CA8: variants seen among roughly 807,000 people sequenced by gnomAD.
CA8 encodes carbonic anhydrase-related protein.
In CA8, 22 loss-of-function variants were observed where a neutral mutation model predicts 41.4. That is an observed-to-expected ratio of 0.53 (90% CI 0.38 to 0.76). The LOEUF (loss-of-function observed/expected upper bound fraction) is 0.76. Among genes scored for constraint, CA8 ranks in the 30% least tolerant of loss-of-function variants. The probability of loss-of-function intolerance (pLI) is 0.00; values close to 1 mark genes in which losing one functional copy is unlikely to be tolerated. For missense variants in CA8, 270 were observed against 352.8 expected, an observed-to-expected ratio of 0.77 and a Z score of 1.88; for synonymous variants, 121 against 130.6, an observed-to-expected ratio of 0.93 and a Z score of 0.50.
In CA8 at chr8:60,264,060, G is replaced by A. The variant is rs374563102; in HGVS notation, c.417+1865C>T. Among the ~76,000 whole-genome samples, 23 of 152,316 alleles carry A rather than the reference G, an allele frequency of 1.5e-4. No homozygotes were observed. In the South Asian group the frequency reaches 4.6e-3, roughly 30 times the overall value. On this transcript the variant is annotated intron_variant, in intron 3 of 8. Coordinates refer to ENST00000317995, the MANE Select transcript of CA8 (RefSeq NM_004056.6). ...CTGCAGAAACAAAGCCTCACTACCA[G>A]GATTTAATCTTCATTCAAAACAAAC...
intron 8 of CA8, among the ~76,000 whole-genome samples, chr8:60,190,957 T>TATATATATATATATATATACACACACAC (rs1554573722): frequency 1.5e-4 from 16 of 104,188 alleles, no homozygotes; most frequent in African/African-American, 3.8e-4. Context: ...TATATATATA[T>TATATATATATATATATATACACACACAC]ACACACACAC....
At chr8:60,240,820 C>T (rs569881166) in intron 3 of CA8, among the ~76,000 whole-genome samples, 1 of 152,138 alleles carries the variant, frequency 6.6e-6, no homozygotes, top group East Asian at 1.9e-4. Flanking sequence ...GGCTCTGCCA[C>T]ACTCAAAACA....
chr8:60,243,581 C>A lies in CA8; in HGVS notation c.418-11202G>T, dbSNP rs113059713. ...TACTGAAATCTGTCTCTTGTCCCAT[C>A]AGTTTAGTGAAACTGCTCACCGTCT... On this transcript the variant is annotated intron_variant, in intron 3 of 8. Coordinates refer to ENST00000317995, the MANE Select transcript of CA8 (RefSeq NM_004056.6). Among the ~76,000 whole-genome samples, 1,343 of 152,228 alleles carry A rather than the reference C, an allele frequency of 8.8e-3. 18 individuals are homozygous for A. The highest frequency in any genetic ancestry group is 0.03 in the African/African-American group (1,230 of 41,516).
intron 7 of CA8, among the ~76,000 whole-genome samples, chr8:60,209,496 G>A (rs1416174235): frequency 1.3e-5 from 2 of 152,078 alleles, no homozygotes; most frequent in Non-Finnish European, 2.9e-5. Flanking sequence ...AAAAAACAAT[G>A]ATACAAACCT....
intron 1 of CA8, 30 bp downstream of exon 1, chr8:60,281,017 AC>A: frequency 6.6e-7 from 1 of 1,519,712 alleles, no homozygotes. Flanking sequence ...CCGCCGCGGG[AC>A]CCCGGACACC....
chr8:60,208,801 C>G lies in CA8; in HGVS notation c.857G>C (p.Arg286Thr). 1 of 1,614,162 alleles carries G rather than the reference C, an allele frequency of 6.2e-7. No individual in the cohort carries two copies. The highest frequency in any genetic ancestry group is 8.5e-7 in the Non-Finnish European group (1 of 1,180,020). ...PTQPLSDRVI[R>T]AAFQ ...CCTCTTTGGCTACTGAAATGCAGCT[C>G]TAATGACTCTGTCACTAAGAGGCTG... The change falls in exon 8 of 9, where the codon AGA becomes ACA. Residue 286 changes from arginine to threonine, a missense_variant. Physicochemically the swap from Arg to Thr is moderately conservative, Grantham distance 71. Coordinates refer to ENST00000317995, the MANE Select transcript of CA8 (RefSeq NM_004056.6).
intron 7 of CA8, among the ~76,000 whole-genome samples, chr8:60,220,652 G>A (rs962609240): frequency 5.4e-4 from 82 of 152,288 alleles, no homozygotes; most frequent in Middle Eastern, 3.4e-3. Context: ...TGCACTCAGC[G>A]GGGGCTATCT....
At chr8:60,226,429 A>G (rs1052462989) in intron 5 of CA8, among the ~76,000 whole-genome samples, 3 of 152,328 alleles carry the variant, frequency 2.0e-5, no homozygotes, top group Middle Eastern at 3.4e-3. Context: ...GATGCTGACA[A>G]TGTGACTTAT....
intron 3 of CA8, among the ~76,000 whole-genome samples, chr8:60,259,055 T>C (rs1303789670): frequency 1.3e-5 from 2 of 152,230 alleles, no homozygotes; most frequent in South Asian, 4.1e-4. Context: ...ATTGTACTCA[T>C]AGCTGTCTCC....
At chr8:60,276,008 G>C (rs1297667415) in intron 2 of CA8, among the ~76,000 whole-genome samples, 1 of 152,188 alleles carries the variant, frequency 6.6e-6, no homozygotes, top group Non-Finnish European at 1.5e-5. Context: ...AATCAAGTGT[G>C]AAGTATAATA....
chr8:60,208,735 T>A lies in CA8; in HGVS notation c.*35+15A>T. On this transcript the variant is annotated intron_variant, in intron 8 of 8. Transcript: ENST00000317995. ...TAGCTGTGCACCTCATTTTCCTTAC[T>A]TAATCTGGACATACCCTCATGAAGA... The A allele has an allele frequency of 6.2e-7, 1 of 1,612,390 alleles. No individual in the cohort carries two copies. The highest frequency in any genetic ancestry group is 8.5e-7 in the Non-Finnish European group (1 of 1,178,406).
intron 3 of CA8, among the ~76,000 whole-genome samples, chr8:60,249,536 A>G (rs1280592525): frequency 6.6e-6 from 1 of 152,224 alleles, no homozygotes; most frequent in South Asian, 2.1e-4. Context: ...TTTCACTACA[A>G]TCCAAATGTT....
chr8:60,270,678 A>C (rs1316410378), intron 2 of CA8, among the ~76,000 whole-genome samples: 2 of 152,204 alleles, frequency 1.3e-5, no homozygotes. Context: ...GGCCTCCCAA[A>C]GTGCGTAGAT....
intron 3 of CA8, among the ~76,000 whole-genome samples, chr8:60,254,810 G>T (rs1808568792): frequency 6.6e-6 from 1 of 152,090 alleles, no homozygotes; most frequent in African/African-American, 2.4e-5. Context: ...GCAAGCCCTG[G>T]ATGATTCAAA....
At chr8:60,269,778 G>C (rs1019479996) in intron 2 of CA8, among the ~76,000 whole-genome samples, 1 of 152,130 alleles carries the variant, frequency 6.6e-6, no homozygotes, top group Non-Finnish European at 1.5e-5. Flanking sequence ...ATCCAGCCTT[G>C]GTGTTGACTG....
rs116983604 is a variant in CA8 at position 60,256,382 on chromosome 8, G to A, written c.417+9543C>T. Among the ~76,000 whole-genome samples, 392 of 152,260 alleles carry A rather than the reference G, an allele frequency of 2.6e-3. 3 individuals are homozygous for A. Among genetic ancestry groups the A allele is most frequent in the Admixed American group, 5.2e-3 (79 of 15,298 alleles). ...CTAAGAATTTACATTGCCAGAGTAG[G>A]CTGTTGCCTAGGGAACCATGTCAGA... On this transcript the variant is annotated intron_variant, in intron 3 of 8. Transcript: ENST00000317995.
intron 3 of CA8, among the ~76,000 whole-genome samples, chr8:60,255,556 A>G (rs182240353): frequency 2.0e-5 from 3 of 152,332 alleles, no homozygotes; most frequent in African/African-American, 4.8e-5. Context: ...GGTTTAAGTG[A>G]TTCATTAAGC....
At chr8:60,233,201 C>T (rs1022158868) in intron 3 of CA8, among the ~76,000 whole-genome samples, 1 of 152,190 alleles carries the variant, frequency 6.6e-6, no homozygotes, top group African/African-American at 2.4e-5. Context: ...ATCACTATAG[C>T]TTTTCATCGT....
In CA8 at chr8:60,222,749, C is replaced by T. The variant is rs778840641; in HGVS notation, c.638G>A (p.Arg213Gln). 2.0e-5 allele frequency: 33 copies of T among 1,612,162 alleles called. No individual in the cohort carries two copies. The highest frequency in any genetic ancestry group is 2.2e-5 in the East Asian group (1 of 44,854). ...PNTLLPDPLL[R>Q]DYWVYEGSLT... ...AGAGCCTTCATACACCCAGTAATCC[C>T]GCAGCAGAGGGTCTGCACAGCCACG... Residue 213 changes from arginine to glutamine, a missense_variant, in exon 7 of 9, where the codon CGG becomes CAG. Transcript: ENST00000317995.
Sources: allele counts gnomAD v4.1 joint callset (sites outside exome capture counted in the v4.1 genomes callset), GRCh38; gene constraint gnomAD v4.1.1; transcripts MANE v1.5; gene names NCBI Gene and HGNC (gene_info 2026-07-23, HGNC 2026-07-21).